Variants in PDE3A observed in about 807,000 individuals in gnomAD.
PDE3A encodes the protein phosphodiesterase 3A, also known as cGMP-inhibited 3',5'-cyclic phosphodiesterase 3A.
Under a neutral mutation model 98.3 loss-of-function variants are expected in PDE3A, and 43 were observed. That is an observed-to-expected ratio of 0.44 (90% CI 0.34 to 0.56). The LOEUF (loss-of-function observed/expected upper bound fraction) is 0.56, where lower values mean the gene tolerates loss of function less well. Ranked by LOEUF, PDE3A falls within the 20% of genes least tolerant of loss-of-function variation. PDE3A has a pLI of 0.01. For missense variants in PDE3A, 1,427 were observed against 1,440.7 expected, an observed-to-expected ratio of 0.99 and a Z score of 0.15; for synonymous variants, 663 against 567.9, an observed-to-expected ratio of 1.17 and a Z score of -2.38.
chr12:20,510,094 AAAAATTCT>A (rs1436727850), intron 1 of PDE3A, among the ~76,000 whole-genome samples: 1 of 152,012 alleles, frequency 6.6e-6, no homozygotes, highest in Non-Finnish European at 1.5e-5. Context: ...ATTTCATTTA[AAAAATTCT>A]AAAATGGGCT....
At chr12:20,453,182 T>TTTG (rs1425914230) in intron 1 of PDE3A, among the ~76,000 whole-genome samples, 1 of 150,648 alleles carries the variant, frequency 6.6e-6, no homozygotes, top group Non-Finnish European at 1.5e-5. Context: ...GCTTTTTTTT[T>TTTG]TTTTTTTTTG....
At chr12:20,512,685 G>A (rs1243179559) in intron 1 of PDE3A, among the ~76,000 whole-genome samples, 2 of 152,066 alleles carry the variant, frequency 1.3e-5, no homozygotes, top group Non-Finnish European at 2.9e-5. Context: ...GAGTTTCTGA[G>A]CATCTTAGAG....
chr12:20,585,684 C>CAGAT (rs966556491), intron 2 of PDE3A, among the ~76,000 whole-genome samples: 102 of 152,270 alleles, frequency 6.7e-4, no homozygotes, highest in African/African-American at 2.4e-3. Context: ...TGCTACTAGA[C>CAGAT]AGATAGTATA....
chr12:20,546,754 CT>C (rs571656443), intron 1 of PDE3A, among the ~76,000 whole-genome samples: 2 of 151,962 alleles, frequency 1.3e-5, no homozygotes, highest in Non-Finnish European at 2.9e-5. Flanking sequence ...TAAAATTGTA[CT>C]ATTTAGTATG....
chr12:20,477,935 T>G (rs7978217), intron 1 of PDE3A, among the ~76,000 whole-genome samples: 98,886 of 151,938 alleles, frequency 0.65, 32,587 homozygotes, highest in East Asian at 0.88. Flanking sequence ...AAGCCATTCC[T>G]TCCAGATCGC....
chr12:20,620,731 G>C (rs1944111850), intron 4 of PDE3A, among the ~76,000 whole-genome samples: 1 of 151,888 alleles, frequency 6.6e-6, no homozygotes, highest in Admixed American at 6.6e-5. Context: ...TTTAGCATCA[G>C]CTCCATTGTT....
At chr12:20,527,566 T>A (rs1460890208) in intron 1 of PDE3A, among the ~76,000 whole-genome samples, 1 of 152,094 alleles carries the variant, frequency 6.6e-6, no homozygotes, top group African/African-American at 2.4e-5. Context: ...GCTGTCTGTT[T>A]GTTAGAGTTC....
At chr12:20,452,665 T>C (rs571404795) in intron 1 of PDE3A, among the ~76,000 whole-genome samples, 7 of 152,340 alleles carry the variant, frequency 4.6e-5, no homozygotes, top group African/African-American at 1.2e-4. Flanking sequence ...GGGGATCTTA[T>C]GTGGTTAATG....
At chr12:20,434,304 T>C (rs1944745871) in intron 1 of PDE3A, among the ~76,000 whole-genome samples, 1 of 152,158 alleles carries the variant, frequency 6.6e-6, no homozygotes. Context: ...ATTTGCAATG[T>C]TGGAAACTTG....
chr12:20,680,404 G>A lies in PDE3A; in HGVS notation c.*133G>A, dbSNP rs748544944. ...TGGCTATTGCATTTTGGGATTCTTC[G>A]CATTTTGTGTGTATATTTTTACAGT... On this transcript the variant is annotated 3_prime_UTR_variant, in exon 16 of 16. Transcript: ENST00000359062. 1.4e-4 allele frequency: 128 copies of A among 941,122 alleles called. No homozygotes were observed. The highest frequency in any genetic ancestry group is 1.9e-4 in the Non-Finnish European group (121 of 630,882). The allele number at this position is 941,122 out of a possible 1,614,324, so 58.3% of individuals were successfully genotyped here.
intron 1 of PDE3A, among the ~76,000 whole-genome samples, chr12:20,504,173 T>C (rs1388526022): frequency 6.6e-6 from 1 of 152,158 alleles, no homozygotes; most frequent in African/African-American, 2.4e-5. Flanking sequence ...TTTTTTCCTT[T>C]ATTTTCCTTT....
chr12:20,442,964 C>CT (rs559563541), intron 1 of PDE3A, among the ~76,000 whole-genome samples: 2 of 151,260 alleles, frequency 1.3e-5, no homozygotes, highest in Non-Finnish European at 1.5e-5. Flanking sequence ...TTGAGGGATC[C>CT]TTTTTTTTAA....
intron 1 of PDE3A, among the ~76,000 whole-genome samples, chr12:20,513,546 T>C (rs1479764126): frequency 6.6e-6 from 1 of 152,166 alleles, no homozygotes; most frequent in Admixed American, 6.5e-5. Flanking sequence ...TCATTTTCCT[T>C]AATCTACAAA....
At chr12:20,559,674 A>C (rs1046452057) in intron 2 of PDE3A, among the ~76,000 whole-genome samples, 3 of 151,738 alleles carry the variant, frequency 2.0e-5, no homozygotes, top group Non-Finnish European at 4.4e-5. Context: ...CCATATCAAA[A>C]AAAAAAAGAC....
At chr12:20,467,557 G>A (rs765327675) in intron 1 of PDE3A, among the ~76,000 whole-genome samples, 27 of 151,950 alleles carry the variant, frequency 1.8e-4, no homozygotes, top group South Asian at 6.2e-4. Context: ...TACATCTGCC[G>A]TTATCTTTTA....
At position 20,584,215 on chromosome 12, in the gene PDE3A, A is replaced by C. The variant is rs567231621; in HGVS notation, c.1011+27505A>C. Among the ~76,000 whole-genome samples the C allele has an allele frequency of 5.3e-5, 8 of 152,346 alleles. No homozygotes were observed. In the East Asian group the frequency reaches 1.3e-3, roughly 26 times the overall value. ...GTAACCTAGAAAATTAAAGTCTGAA[A>C]TATTAGTTCATTAGAAAGTTACAAA... is the stretch of plus-strand genomic sequence containing the variant. On this transcript the variant is annotated intron_variant, in intron 2 of 15. Transcript: ENST00000359062.
In PDE3A at chr12:20,598,571, C is replaced by G. The variant is rs539192383; in HGVS notation, c.1012-14872C>G. On this transcript the variant is annotated intron_variant, in intron 2 of 15. Transcript: ENST00000359062. ...TCACCCGCCCCCTCAAATGTTTACA[C>G]TGTGGAAGGCAATAGAGATTATCAA... Among the ~76,000 whole-genome samples, 6 of 152,244 alleles carry G rather than the reference C, an allele frequency of 3.9e-5. No homozygotes were observed. In the South Asian group the frequency reaches 1.0e-3, roughly 26 times the overall value.
At chr12:20,433,340 CAAGACAAGTGTTCATTGCACT>C (rs1944728467) in intron 1 of PDE3A, among the ~76,000 whole-genome samples, 1 of 151,946 alleles carries the variant, frequency 6.6e-6, no homozygotes, top group African/African-American at 2.4e-5. Context: ...TGAAATGAAA[CAAGACAAGTGTTCATTGCACT>C]CTGAGAATAC....
intron 1 of PDE3A, among the ~76,000 whole-genome samples, chr12:20,438,879 CCTCCCAGGTTAAAGCGATT>C (rs1012632169): frequency 6.6e-6 from 1 of 152,000 alleles, no homozygotes; most frequent in Non-Finnish European, 1.5e-5. Flanking sequence ...CCTGCCTCCA[CCTCCCAGGTTAAAGCGATT>C]CTCCTGTCTC....
Sources: allele counts gnomAD v4.1 joint callset (sites outside exome capture counted in the v4.1 genomes callset), GRCh38; gene constraint gnomAD v4.1.1; transcripts MANE v1.5; gene names NCBI Gene and HGNC (gene_info 2026-07-23, HGNC 2026-07-21).